Variants in SP100 observed in about 807,000 individuals in gnomAD.
The protein encoded by SP100 is nuclear autoantigen Sp-100.
Under a neutral mutation model 130.0 loss-of-function variants are expected in SP100, and 84 were observed. The ratio of observed to expected loss-of-function variants is 0.65; its 90% CI spans 0.54 to 0.77. SP100 has a LOEUF of 0.77. Among genes scored for constraint, SP100 ranks in the 30% least tolerant of loss-of-function variants. The probability of loss-of-function intolerance (pLI) is 0.00; values close to 1 mark genes in which losing one functional copy is unlikely to be tolerated. For missense variants in SP100, 978 were observed against 1,052.2 expected (o/e 0.93, Z 0.97); for synonymous variants, 331 against 351.7 (o/e 0.94, Z 0.66).
intron 15 of SP100, chr2:230,470,363 CT>C (rs572071965): frequency 6.1e-5 from 67 of 1,105,766 alleles, no homozygotes; most frequent in East Asian, 1.9e-4. Flanking sequence ...TTGTGGTATT[CT>C]TTTTTTTAAA....
intron 17 of SP100, among the ~76,000 whole-genome samples, chr2:230,484,592 G>C (rs973936333): frequency 6.6e-6 from 1 of 152,086 alleles, no homozygotes; most frequent in Non-Finnish European, 1.5e-5. Context: ...CCTGCATGTG[G>C]GTGGGTGATG....
chr2:230,483,198 A>G (rs568185668), intron 17 of SP100, among the ~76,000 whole-genome samples: 1 of 152,226 alleles, frequency 6.6e-6, no homozygotes, highest in Non-Finnish European at 1.5e-5. Context: ...TGACAATGTC[A>G]TAAAGAAAAA....
chr2:230,431,392 G>A (rs563227118), intron 2 of SP100, among the ~76,000 whole-genome samples: 1 of 152,326 alleles, frequency 6.6e-6, no homozygotes, highest in East Asian at 1.9e-4. Flanking sequence ...GTGGTGCTGT[G>A]CCAGCCTGGG....
chr2:230,430,917 C>A (rs1313196809), intron 2 of SP100, among the ~76,000 whole-genome samples: 3 of 152,212 alleles, frequency 2.0e-5, no homozygotes, highest in Non-Finnish European at 2.9e-5. Context: ...TGATTACCTG[C>A]CTGGGCAAAG....
intron 22 of SP100, 38 bp downstream of exon 22, chr2:230,506,483 C>T: frequency 6.2e-7 from 1 of 1,606,598 alleles, no homozygotes; most frequent in Non-Finnish European, 8.5e-7. Flanking sequence ...AAGGATTTAG[C>T]TGTCATGCTT....
intron 23 of SP100, chr2:230,508,421 T>C (rs1024090747): frequency 6.3e-6 from 1 of 159,418 alleles, no homozygotes; most frequent in Non-Finnish European, 1.4e-5. Flanking sequence ...GTTCAAGCGA[T>C]TCTTGTGCCT....
At chr2:230,470,444 A>G (rs7878) in intron 15 of SP100, 299,865 of 984,474 alleles carry the variant, frequency 0.3, 48,164 homozygotes, top group Middle Eastern at 0.36. Flanking sequence ...CATCATTGTC[A>G]TTTGTAATTG....
chr2:230,438,648 T>TATACACAC lies in SP100; in HGVS notation c.108-4288_108-4287insTACACACA, dbSNP rs1246055755. ...AGTAGTACTCCATGGTGTATATATA[T>TATACACAC]ACACACACACACACACACACACACA... On this transcript the variant is annotated intron_variant, in intron 2 of 28. Coordinates refer to ENST00000340126, the MANE Select transcript of SP100 (RefSeq NM_001080391.2). Among the ~76,000 whole-genome samples the TATACACAC allele has an allele frequency of 8.3e-3, 1,060 of 127,460 alleles. 5 individuals carry two copies. The highest frequency in any genetic ancestry group is 0.012 in the Middle Eastern group (3 of 242). The allele number at this position is 127,460 out of a possible 152,430, so 83.6% of individuals were successfully genotyped here. A position where few individuals can be genotyped will look rare whatever the true frequency, so the allele number is the denominator to read the frequency against.
At chr2:230,535,735 C>T (rs1231628363) in intron 24 of SP100, among the ~76,000 whole-genome samples, 3 of 151,268 alleles carry the variant, frequency 2.0e-5, no homozygotes, top group Non-Finnish European at 2.9e-5. Flanking sequence ...GGTGAAACCC[C>T]GTCTCTACTA....
chr2:230,512,976 G>A (rs748585302), intron 24 of SP100, among the ~76,000 whole-genome samples: 1 of 152,180 alleles, frequency 6.6e-6, no homozygotes, highest in Non-Finnish European at 1.5e-5. Flanking sequence ...AGAATTTAAT[G>A]CTGCTGCTGA....
At chr2:230,499,830 C>T (rs1200059955) in intron 19 of SP100, among the ~76,000 whole-genome samples, 1 of 152,110 alleles carries the variant, frequency 6.6e-6, no homozygotes, top group Non-Finnish European at 1.5e-5. Context: ...GGAGGTCCAT[C>T]TCCTGCTTAG....
chr2:230,439,057 A>G (rs927135259), intron 2 of SP100, among the ~76,000 whole-genome samples: 2 of 152,160 alleles, frequency 1.3e-5, no homozygotes, highest in African/African-American at 4.8e-5. Context: ...TGCAGAAGTA[A>G]GGTGGTATCG....
intron 23 of SP100, chr2:230,509,365 C>T (rs796450913): frequency 7.2e-5 from 11 of 152,276 alleles, no homozygotes; most frequent in African/African-American, 2.6e-4. Flanking sequence ...AAAGCTGGCT[C>T]CTGGGGCTAC....
intron 4 of SP100, 23 bp downstream of exon 4, chr2:230,444,369 T>C (rs1193639614): frequency 6.3e-7 from 1 of 1,595,824 alleles, no homozygotes; most frequent in South Asian, 1.1e-5. Context: ...ATTATCTACC[T>C]TTTTATTTCC....
At chr2:230,456,195 G>C (rs1347973643) in intron 8 of SP100, among the ~76,000 whole-genome samples, 4 of 152,012 alleles carry the variant, frequency 2.6e-5, no homozygotes, top group African/African-American at 9.7e-5. Flanking sequence ...TGGTTGTCAG[G>C]TTTCTTTTTC....
chr2:230,517,655 CT>C (rs1242674074), intron 24 of SP100, among the ~76,000 whole-genome samples: 1 of 151,932 alleles, frequency 6.6e-6, no homozygotes, highest in African/African-American at 2.4e-5. Flanking sequence ...GTCTCAGATA[CT>C]CAGGAGGCTG....
chr2:230,457,409 G>A (rs939031990), intron 8 of SP100, among the ~76,000 whole-genome samples: 8 of 152,186 alleles, frequency 5.3e-5, no homozygotes, highest in Non-Finnish European at 1.0e-4. Context: ...GACTGAGTTC[G>A]CAGGGCTGGC....
chr2:230,437,705 T>C (rs2063335819), intron 2 of SP100, among the ~76,000 whole-genome samples: 9 of 151,922 alleles, frequency 5.9e-5, no homozygotes, highest in Admixed American at 5.9e-4. Context: ...ATTACAGGCA[T>C]GCACCACCAT....
chr2:230,539,883 T>G (rs1269420662), intron 25 of SP100, among the ~76,000 whole-genome samples: 1 of 152,148 alleles, frequency 6.6e-6, no homozygotes, highest in African/African-American at 2.4e-5. Flanking sequence ...GAGGTGATGG[T>G]GTGCAGGATA....
Sources: allele counts gnomAD v4.1 joint callset (sites outside exome capture counted in the v4.1 genomes callset), GRCh38; gene constraint gnomAD v4.1.1; transcripts MANE v1.5; gene names NCBI Gene and HGNC (gene_info 2026-07-23, HGNC 2026-07-21).